DYNC2H1: variants seen among roughly 807,000 people sequenced by gnomAD.
The protein encoded by DYNC2H1 is cytoplasmic dynein 2 heavy chain 1.
A neutral mutation model predicts 570.0 loss-of-function variants in DYNC2H1; 410 were observed. That is an observed-to-expected ratio of 0.72 (90% CI 0.66 to 0.78). The LOEUF is 0.78. Ranked by LOEUF, DYNC2H1 falls within the 30% of genes least tolerant of loss-of-function variation. DYNC2H1 has a pLI of 0.00. For missense variants in DYNC2H1, 4,865 were observed against 5,046.4 expected, an observed-to-expected ratio of 0.96 and a Z score of 1.09; for synonymous variants, 1,688 against 1,677.6, an observed-to-expected ratio of 1.01 and a Z score of -0.15.
intron 47 of DYNC2H1, among the ~76,000 whole-genome samples, chr11:103,194,434 A>T (rs759501574): frequency 6.6e-6 from 1 of 152,200 alleles, no homozygotes; most frequent in African/African-American, 2.4e-5. Flanking sequence ...ATAAATGCTC[A>T]GGAATGCAAT....
chr11:103,141,285 CT>C (rs933659982), intron 17 of DYNC2H1, among the ~76,000 whole-genome samples: 5 of 152,262 alleles, frequency 3.3e-5, no homozygotes, highest in African/African-American at 1.2e-4. Context: ...TGGCACTCTG[CT>C]TTTTAGAGTT....
intron 25 of DYNC2H1, 41 bp from the exon 26 acceptor site, chr11:103,156,347 T>C: frequency 6.5e-7 from 1 of 1,542,834 alleles, no homozygotes. Context: ...ATGTGAAAAT[T>C]AATGTTGAAG....
chr11:103,196,740 G>A (rs75892575), intron 47 of DYNC2H1, among the ~76,000 whole-genome samples: 2,265 of 152,194 alleles, frequency 0.015, 56 homozygotes, highest in African/African-American at 0.051. Flanking sequence ...TTACATAGAT[G>A]CAAGCACAAA....
intron 65 of DYNC2H1, among the ~76,000 whole-genome samples, chr11:103,247,710 A>G (rs529217583): frequency 8.1e-4 from 124 of 152,190 alleles, no homozygotes; most frequent in Admixed American, 2.0e-3. Flanking sequence ...GTCTCTGGAC[A>G]GGTATATTTT....
chr11:103,156,104 A>T (rs1021598846), intron 25 of DYNC2H1, among the ~76,000 whole-genome samples: 8 of 152,088 alleles, frequency 5.3e-5, no homozygotes, highest in African/African-American at 1.9e-4. Context: ...TTTGTGATGG[A>T]TGCTTTAATT....
chr11:103,215,942 T>C, intron 55 of DYNC2H1, 84 bp downstream of exon 55: 2 of 1,459,510 alleles, frequency 1.4e-6, no homozygotes, highest in Non-Finnish European at 1.8e-6. Context: ...CATTTTCACT[T>C]AGGTGGATTT....
chr11:103,445,294 T>A (rs1565605293), intron 85 of DYNC2H1, among the ~76,000 whole-genome samples: 2 of 152,234 alleles, frequency 1.3e-5, no homozygotes, highest in African/African-American at 2.4e-5. Context: ...TATGAAACTA[T>A]CTTTGTATAG....
At position 103,431,029 on chromosome 11, in the gene DYNC2H1, A is replaced by G. The variant is rs141069826; in HGVS notation, c.12367-4914A>G. 5.3e-5 allele frequency among the ~76,000 whole-genome samples: 8 copies of G among 152,248 alleles called. No homozygotes were observed. The East Asian group carries it at 1.5e-3, about 29-fold the overall frequency. ...AGCAGTTAACAAATGATTGGCAAAT[A>G]GCAGCTATTTACTCATACTTGCTGC... On this transcript the variant is annotated intron_variant, in intron 84 of 88. Transcript: ENST00000375735.
chr11:103,131,358 A>G (rs1438825299), intron 13 of DYNC2H1, among the ~76,000 whole-genome samples: 2 of 152,078 alleles, frequency 1.3e-5, no homozygotes, highest in African/African-American at 2.4e-5. Context: ...CAGTGTCGCA[A>G]TCTCGGCTCA....
chr11:103,203,602 C>T lies in DYNC2H1; in HGVS notation c.8198-61C>T. 1 of 1,117,350 alleles carries T rather than the reference C, an allele frequency of 8.9e-7. No individual in the cohort carries two copies. Among genetic ancestry groups the T allele is most frequent in the Non-Finnish European group, 1.3e-6 (1 of 796,346 alleles). The allele number at this position is 1,117,350 out of a possible 1,614,324, so 69.2% of individuals were successfully genotyped here. On this transcript the variant is annotated intron_variant, in intron 50 of 88. Transcript: ENST00000375735. The surrounding 1 kb of genome is among the most constrained non-coding windows in gnomAD (Gnocchi z 4.7). ...TTGAATAAGAGCAGATTTTTAAATA[C>T]AAAAATTGAAAAAGCATCATTTATT...
chr11:103,443,378 TTA>T (rs2135773468), intron 85 of DYNC2H1, among the ~76,000 whole-genome samples: 1 of 152,158 alleles, frequency 6.6e-6, no homozygotes, highest in East Asian at 1.9e-4. Flanking sequence ...TATTGTTAAT[TTA>T]TATGTTATCA....
intron 82 of DYNC2H1, among the ~76,000 whole-genome samples, chr11:103,344,515 T>C (rs892241251): frequency 3.3e-5 from 5 of 152,190 alleles, no homozygotes; most frequent in African/African-American, 1.2e-4. Flanking sequence ...CCTTGGAGCC[T>C]TCATACCTTC....
At chr11:103,410,938 T>C (rs1195261942) in intron 84 of DYNC2H1, among the ~76,000 whole-genome samples, 1 of 152,168 alleles carries the variant, frequency 6.6e-6, no homozygotes, top group Middle Eastern at 3.2e-3. Context: ...GCAAAGTATT[T>C]TGAGCTGCAT....
chr11:103,232,374 G>T (rs911085902), intron 60 of DYNC2H1, among the ~76,000 whole-genome samples: 1 of 151,810 alleles, frequency 6.6e-6, no homozygotes, highest in African/African-American at 2.4e-5. Context: ...AGCCATGTTA[G>T]ATACTAGATT....
In DYNC2H1 at chr11:103,348,967, C is replaced by T. The variant is rs1939903526; in HGVS notation, c.12040-9276C>T. Reference sequence around the variant, plus strand: ...CTCCATGTGAAGAAGGACATGTTTGCTTCCCCTTCCACCATGATTGTAAGT... The same window carrying T: ...CTCCATGTGAAGAAGGACATGTTTGTTTCCCCTTCCACCATGATTGTAAGT... On this transcript the variant is annotated intron_variant, in intron 82 of 88. Coordinates refer to ENST00000375735, the MANE Select transcript of DYNC2H1 (RefSeq NM_001377.3). 1.3e-5 allele frequency among the ~76,000 whole-genome samples: 2 copies of T among 152,146 alleles called. 1 individual carries two copies. Among genetic ancestry groups the T allele is most frequent in the South Asian group, 4.1e-4 (2 of 4,832 alleles).
intron 53 of DYNC2H1, 97 bp from the exon 54 acceptor site, chr11:103,211,692 A>T (rs1863160023): frequency 3.9e-6 from 2 of 509,528 alleles, no homozygotes; most frequent in Non-Finnish European, 6.6e-6. Context: ...ATAGCATGGA[A>T]GTATCTTGTA....
chr11:103,171,648 A>G (rs376676801), intron 34 of DYNC2H1, among the ~76,000 whole-genome samples: 3 of 152,252 alleles, frequency 2.0e-5, no homozygotes, highest in South Asian at 4.2e-4. Flanking sequence ...CTGTGCTGAC[A>G]TTGTTCACAG....
At position 103,271,654 on chromosome 11, in the gene DYNC2H1, G is replaced by T. The variant is rs145342859; in HGVS notation, c.10696-8694G>T. On this transcript the variant is annotated intron_variant, in intron 70 of 88. Coordinates refer to ENST00000375735, the MANE Select transcript of DYNC2H1 (RefSeq NM_001377.3). ...ATATCAGTTTACTGTATATCAGGTA[G>T]TTATTTTACTGATCACCTTTTGTTA... Among the ~76,000 whole-genome samples, 637 of 152,268 alleles carry T rather than the reference G, an allele frequency of 4.2e-3. 8 individuals carry two copies. The East Asian group carries it at 0.047, about 11-fold the overall frequency.
In DYNC2H1 at chr11:103,326,530, C is replaced by T. The variant is rs1229680431; in HGVS notation, c.12039+2540C>T. 1.3e-5 allele frequency among the ~76,000 whole-genome samples: 2 copies of T among 152,198 alleles called. No individual in the cohort carries two copies. Among genetic ancestry groups the T allele is most frequent in the African/African-American group, 4.8e-5 (2 of 41,458 alleles). On this transcript the variant is annotated intron_variant, in intron 82 of 88. Coordinates refer to ENST00000375735, the MANE Select transcript of DYNC2H1 (RefSeq NM_001377.3). This position sits in a 1 kb window ranked among gnomAD's most constrained non-coding sequence, Gnocchi z 6.1. ...CTCCAGTGTTGGCCGCAGATCTGGGCTCGGTACTCCTGAGCTGCAGACCGC... is the reference window on the plus strand; with the variant it reads ...CTCCAGTGTTGGCCGCAGATCTGGGTTCGGTACTCCTGAGCTGCAGACCGC...
Sources: allele counts gnomAD v4.1 joint callset (sites outside exome capture counted in the v4.1 genomes callset), GRCh38; gene constraint gnomAD v4.1.1; non-coding constraint Gnocchi (gnomAD v3.1); transcripts MANE v1.5; gene names NCBI Gene and HGNC (gene_info 2026-07-23, HGNC 2026-07-21).